Variants in TNIK observed in about 807,000 individuals in gnomAD.
TNIK encodes TRAF2 and NCK-interacting protein kinase.
TNIK carries 49 observed loss-of-function variants against 191.3 expected under a neutral mutation model. The ratio of observed to expected loss-of-function variants is 0.26; its 90% CI spans 0.20 to 0.32. The LOEUF is 0.32. Ranked by LOEUF, TNIK falls within the 10% of genes least tolerant of loss-of-function variation. TNIK has a pLI of 1.00. For missense variants in TNIK, 1,155 were observed against 1,702.3 expected (o/e 0.68, Z 5.66); for synonymous variants, 594 against 600.9 (o/e 0.99, Z 0.17).
intron 23 of TNIK, among the ~76,000 whole-genome samples, chr3:171,092,251 A>G (rs781148991): frequency 6.6e-6 from 1 of 152,070 alleles, no homozygotes; most frequent in Non-Finnish European, 1.5e-5. Context: ...CCCGGCTGCA[A>G]ATGCTGTTTT....
intron 18 of TNIK, among the ~76,000 whole-genome samples, chr3:171,121,350 T>A (rs1727717248): frequency 6.6e-6 from 1 of 152,214 alleles, no homozygotes; most frequent in African/African-American, 2.4e-5. Flanking sequence ...TCTCCCAGTG[T>A]CCATGCCCCT....
At chr3:171,428,298 A>T (rs1479307560) in intron 1 of TNIK, among the ~76,000 whole-genome samples, 2 of 152,182 alleles carry the variant, frequency 1.3e-5, no homozygotes, top group Non-Finnish European at 2.9e-5. Flanking sequence ...AAATACCAAA[A>T]AGGTTTTCTG....
chr3:171,258,837 T>C (rs1487734689), intron 2 of TNIK, among the ~76,000 whole-genome samples: 1 of 152,182 alleles, frequency 6.6e-6, no homozygotes, highest in Non-Finnish European at 1.5e-5. Flanking sequence ...TCAATGATGA[T>C]AATCTCATTA....
intron 1 of TNIK, among the ~76,000 whole-genome samples, chr3:171,374,630 G>T (rs981828798): frequency 2.0e-5 from 3 of 152,152 alleles, no homozygotes; most frequent in Admixed American, 1.3e-4. Context: ...GGTGAGAAGA[G>T]AATTTAATTC....
intron 1 of TNIK, among the ~76,000 whole-genome samples, chr3:171,452,729 A>AACACACACACACACAC (rs10602125): frequency 3.5e-5 from 5 of 142,646 alleles, no homozygotes; most frequent in African/African-American, 1.3e-4. Flanking sequence ...ACACACTCCA[A>AACACACACACACACAC]ACACACACAC....
At position 171,438,240 on chromosome 3, in the gene TNIK, G is replaced by GGAAGA. The variant is rs879723075; in HGVS notation, c.57+21766_57+21767insTCTTC. ...CCTCTCAGTTTCTTCCCCTTGCATA[G>GGAAGA]CACCTAGGAGGTTTCTAACAATGCA... On this transcript the variant is annotated intron_variant, in intron 1 of 32. Transcript: ENST00000436636. 1.4e-3 allele frequency among the ~76,000 whole-genome samples: 207 copies of GGAAGA among 151,850 alleles called. 5 individuals are homozygous for GGAAGA. Among genetic ancestry groups the GGAAGA allele is most frequent in the Admixed American group, 0.013 (205 of 15,194 alleles).
chr3:171,142,610 T>C (rs1423280260), intron 12 of TNIK, among the ~76,000 whole-genome samples: 1 of 152,094 alleles, frequency 6.6e-6, no homozygotes, highest in East Asian at 1.9e-4. Flanking sequence ...AGGAGTGGGG[T>C]GGGTACCAGC....
intron 1 of TNIK, among the ~76,000 whole-genome samples, chr3:171,389,596 A>G (rs1719198429): frequency 6.6e-6 from 1 of 152,182 alleles, no homozygotes; most frequent in African/African-American, 2.4e-5. Flanking sequence ...ACCCATCATT[A>G]GGGGATCTAT....
chr3:171,082,091 C>A (rs1720766535), intron 27 of TNIK, among the ~76,000 whole-genome samples, 160 bp downstream of exon 27: 1 of 152,108 alleles, frequency 6.6e-6, no homozygotes, highest in African/African-American at 2.4e-5. Context: ...TCAGAATTCC[C>A]AGTGTTACAA....
At position 171,110,850 on chromosome 3, in the gene TNIK, G is replaced by T; in HGVS notation, c.2148C>A (p.Pro716=). The T allele has an allele frequency of 6.2e-7, 1 of 1,605,010 alleles. No individual in the cohort carries two copies. Among genetic ancestry groups the T allele is most frequent in the Non-Finnish European group, 8.5e-7 (1 of 1,176,450 alleles). Residue 716 remains proline, a synonymous_variant, in exon 19 of 33, where the codon CCC becomes CCA. Transcript: ENST00000436636. ...ASNPDLRRTE[P]ILESPLQRTS... ...TCCTCTGCAAGGGGCTCTCCAAGAT[G>T]GGCTCAGTTCTCCGGAGATCAGGGT... is the stretch of plus-strand genomic sequence containing the variant.
Position 171,206,335 on chromosome 3 carries a change from G to GTGTATATATATATATATATA in TNIK, c.306+4780_306+4781insTATATATATATATATATACA, listed in dbSNP as rs147263548. On this transcript the variant is annotated intron_variant, in intron 4 of 32. Coordinates refer to ENST00000436636, the MANE Select transcript of TNIK (RefSeq NM_015028.4). ...AATATATGGAGATATATATGTTCGT[G>GTGTATATATATATATATATA]TATATATATATATATATATGGAAGA... Among the ~76,000 whole-genome samples, 10 of 133,070 alleles carry GTGTATATATATATATATATA rather than the reference G, an allele frequency of 7.5e-5. No homozygotes were observed. The East Asian group carries it at 2.4e-3, about 32-fold the overall frequency. 87.3% of individuals were successfully genotyped at this position (133,070 alleles called of 152,430 possible).
intron 1 of TNIK, among the ~76,000 whole-genome samples, chr3:171,371,621 A>G (rs1716501937): frequency 6.6e-6 from 1 of 152,184 alleles, no homozygotes; most frequent in African/African-American, 2.4e-5. Flanking sequence ...AGGGACTTAG[A>G]GCTCTGAGTC....
chr3:171,280,432 T>C (rs1211965949), intron 2 of TNIK, among the ~76,000 whole-genome samples: 1 of 152,220 alleles, frequency 6.6e-6, no homozygotes, highest in Non-Finnish European at 1.5e-5. Context: ...GAACCTCAGT[T>C]TTTAAAATCT....
intron 2 of TNIK, among the ~76,000 whole-genome samples, chr3:171,351,289 A>G (rs370468509): frequency 4.9e-4 from 24 of 49,016 alleles, no homozygotes; most frequent in East Asian, 5.7e-3. Flanking sequence ...GTGTGTGTGT[A>G]TGAATGCATG....
intron 1 of TNIK, among the ~76,000 whole-genome samples, chr3:171,438,478 G>A (rs1194912830): frequency 6.6e-6 from 1 of 152,212 alleles, no homozygotes; most frequent in Admixed American, 6.5e-5. Flanking sequence ...CAGAAGACAC[G>A]TCCTGGTGAA....
chr3:171,188,472 T>C (rs1418659547), intron 7 of TNIK, among the ~76,000 whole-genome samples: 1 of 152,184 alleles, frequency 6.6e-6, no homozygotes, highest in Non-Finnish European at 1.5e-5. Context: ...TAGAAAATGA[T>C]TTAAACTTTT....
At chr3:171,173,582 T>A (rs1213101714) in intron 9 of TNIK, among the ~76,000 whole-genome samples, 2 of 152,044 alleles carry the variant, frequency 1.3e-5, no homozygotes, top group Non-Finnish European at 2.9e-5. Flanking sequence ...AGGCCAGAAA[T>A]CTAAATGTAA....
At chr3:171,322,045 T>C (rs994713803) in intron 2 of TNIK, among the ~76,000 whole-genome samples, 2 of 152,200 alleles carry the variant, frequency 1.3e-5, no homozygotes, top group Admixed American at 6.5e-5. Context: ...AGAGTTTAGA[T>C]TGTGGGATTT....
intron 1 of TNIK, among the ~76,000 whole-genome samples, chr3:171,404,240 T>C (rs1006071320): frequency 6.6e-6 from 1 of 152,170 alleles, no homozygotes; most frequent in Non-Finnish European, 1.5e-5. Context: ...TAAGGATCCC[T>C]AGCCACTGTC....
Sources: allele counts gnomAD v4.1 joint callset (sites outside exome capture counted in the v4.1 genomes callset), GRCh38; gene constraint gnomAD v4.1.1; transcripts MANE v1.5; gene names NCBI Gene and HGNC (gene_info 2026-07-23, HGNC 2026-07-21).